The following RASA2 variants were observed in gnomAD, a reference collection of about 807,000 sequenced individuals.
RASA2 encodes RAS p21 protein activator 2, also known as ras GTPase-activating protein 2.
In RASA2, 155 loss-of-function variants were observed where a neutral mutation model predicts 118.2. The ratio of observed to expected loss-of-function variants is 1.31; its 90% confidence interval spans 1.15 to 1.50. The LOEUF (loss-of-function observed/expected upper bound fraction) is 1.50. Among genes scored for constraint, RASA2 ranks in the 40% most tolerant of loss-of-function variants. The pLI is 0.00. For synonymous variants in RASA2, 353 were observed against 349.1 expected, an observed-to-expected ratio of 1.01 and a Z score of -0.12; for missense variants, 1,016 against 1,009.6, an observed-to-expected ratio of 1.01 and a Z score of -0.09.
At chr3:141,580,315 A>G in intron 15 of RASA2, 53 bp from the exon 16 acceptor site, 1 of 1,382,650 alleles carries the variant, frequency 7.2e-7, no homozygotes, top group Non-Finnish European at 1.0e-6. Context: ...ACTTTTTTAT[A>G]CAAACTATTT....
intron 4 of RASA2, among the ~76,000 whole-genome samples, chr3:141,530,108 A>G (rs1268000322): frequency 2.0e-5 from 3 of 152,066 alleles, no homozygotes. Context: ...TTTAAGGGAA[A>G]ATATGTGTTT....
At chr3:141,497,167 G>C (rs1405044148) in intron 1 of RASA2, among the ~76,000 whole-genome samples, 2 of 129,046 alleles carry the variant, frequency 1.5e-5, no homozygotes, top group Admixed American at 1.7e-4. Flanking sequence ...GCCTGTCGTG[G>C]GGTGGGGGGA....
At chr3:141,506,915 CAA>C (rs59123792) in intron 1 of RASA2, among the ~76,000 whole-genome samples, 68 of 89,720 alleles carry the variant, frequency 7.6e-4, no homozygotes, top group Non-Finnish European at 9.2e-4. Context: ...GACCCTGTCT[CAA>C]AAAAAAAAAA....
intron 8 of RASA2, 29 bp downstream of exon 8, chr3:141,558,991 CT>C: frequency 2.0e-6 from 3 of 1,532,682 alleles, no homozygotes; most frequent in Admixed American, 1.8e-5. Flanking sequence ...TACAGAATTG[CT>C]TTTTTGTATA....
At chr3:141,489,000 A>C (rs1183745882) in intron 1 of RASA2, among the ~76,000 whole-genome samples, 1 of 152,214 alleles carries the variant, frequency 6.6e-6, no homozygotes, top group Non-Finnish European at 1.5e-5. Context: ...ACCACTAAGA[A>C]CAGTTTTGTA....
intron 3 of RASA2, among the ~76,000 whole-genome samples, chr3:141,521,070 G>A (rs566109992): frequency 6.6e-6 from 1 of 152,294 alleles, no homozygotes; most frequent in South Asian, 2.1e-4. Flanking sequence ...GATGACTTTG[G>A]TTTCAAACAA....
intron 22 of RASA2, among the ~76,000 whole-genome samples, 158 bp from the exon 23 acceptor site, chr3:141,609,719 T>C (rs1208529668): frequency 1.3e-5 from 2 of 152,242 alleles, no homozygotes; most frequent in Admixed American, 6.5e-5. Context: ...ATGAATGTGA[T>C]GATCCTAATA....
chr3:141,587,531 G>A (rs2083223549), intron 19 of RASA2, among the ~76,000 whole-genome samples: 1 of 151,996 alleles, frequency 6.6e-6, no homozygotes, highest in African/African-American at 2.4e-5. Flanking sequence ...GACCAACATG[G>A]CAAAACCCCA....
chr3:141,611,777 C>T (rs1046218620), intron 23 of RASA2, among the ~76,000 whole-genome samples: 2 of 151,988 alleles, frequency 1.3e-5, no homozygotes, highest in South Asian at 4.1e-4. Context: ...AGATAGATGC[C>T]TCAATTAGAA....
At chr3:141,529,880 G>T in intron 4 of RASA2, 78 bp downstream of exon 4, 2 of 1,104,154 alleles carry the variant, frequency 1.8e-6, no homozygotes, top group Non-Finnish European at 2.7e-6. Flanking sequence ...ACTGGTTCAT[G>T]TAAATAGAGC....
At chr3:141,528,558 C>T (rs1202270078) in intron 3 of RASA2, among the ~76,000 whole-genome samples, 1 of 151,568 alleles carries the variant, frequency 6.6e-6, no homozygotes, top group South Asian at 2.1e-4. Context: ...TTTTCCAGCA[C>T]TAATGGCTTG....
intron 5 of RASA2, among the ~76,000 whole-genome samples, chr3:141,550,170 G>A (rs2082551972): frequency 6.6e-6 from 1 of 152,138 alleles, no homozygotes; most frequent in African/African-American, 2.4e-5. Context: ...TGCTAAGTGA[G>A]CATAAGTGTG....
chr3:141,532,988 A>G (rs999921968), intron 4 of RASA2, among the ~76,000 whole-genome samples: 6 of 152,170 alleles, frequency 3.9e-5, no homozygotes, highest in Non-Finnish European at 5.9e-5. Flanking sequence ...GCAAAATATA[A>G]AGGAAAGAAA....
chr3:141,558,898 A>G lies in RASA2; in HGVS notation c.697A>G (p.Ser233Gly). 1 of 1,602,334 alleles carries G rather than the reference A, an allele frequency of 6.2e-7. No homozygotes were observed. The highest frequency in any genetic ancestry group is 2.2e-5 in the East Asian group (1 of 44,610). The change falls in exon 8 of 24, where the codon AGT (serine) becomes GGT (glycine). Residue 233 changes from serine to glycine, a missense_variant. Coordinates refer to ENST00000286364, the MANE Select transcript of RASA2 (RefSeq NM_006506.5). ...ATTTTGTTTACAGGTAACCAGATCC[A>G]GTAGTTACACCAGAAAGTCCCAGTT... ...EIFYFEVTRSSSYTRKSQFQV... is the reference protein window; with the variant it reads ...EIFYFEVTRSGSYTRKSQFQV...
At chr3:141,554,694 T>C (rs1560028225) in intron 6 of RASA2, among the ~76,000 whole-genome samples, 1 of 152,200 alleles carries the variant, frequency 6.6e-6, no homozygotes, top group East Asian at 1.9e-4. Context: ...ATTCTTACTT[T>C]GTAGAAAATC....
intron 5 of RASA2, among the ~76,000 whole-genome samples, chr3:141,547,629 C>T (rs930051687): frequency 1.3e-5 from 2 of 152,110 alleles, no homozygotes; most frequent in African/African-American, 2.4e-5. Flanking sequence ...CAAATAAGAT[C>T]ATATCATCTG....
intron 6 of RASA2, 131 bp from the exon 7 acceptor site, chr3:141,555,709 A>T: frequency 1.4e-6 from 1 of 695,056 alleles, no homozygotes; most frequent in Admixed American, 3.0e-5. Context: ...TCCAAGCAAT[A>T]TTTAAAACTG....
At chr3:141,589,723 C>A (rs747643779) in intron 19 of RASA2, among the ~76,000 whole-genome samples, 2 of 152,030 alleles carry the variant, frequency 1.3e-5, no homozygotes, top group African/African-American at 2.4e-5. Flanking sequence ...CGTCTGTAGT[C>A]CCAGCTACTT....
chr3:141,560,437 C>T (rs994523022), intron 9 of RASA2, among the ~76,000 whole-genome samples: 35 of 152,268 alleles, frequency 2.3e-4, no homozygotes, highest in African/African-American at 7.9e-4. Flanking sequence ...GTTCTTCCTT[C>T]ACCACACCCC....
Sources: gnomAD v4.1 joint callset for allele counts (sites outside exome capture counted in the v4.1 genomes callset) on GRCh38, gnomAD v4.1.1 for gene constraint, MANE v1.5 for transcripts, NCBI Gene and HGNC (gene_info 2026-07-23, HGNC 2026-07-21) for gene names.